The following PLD5 variants were observed in gnomAD, a reference collection of about 807,000 sequenced individuals.
The protein encoded by PLD5 is phospholipase D family member 5, also known as inactive phospholipase D5.
Under a neutral mutation model 61.1 loss-of-function variants are expected in PLD5, and 36 were observed. The ratio of observed to expected loss-of-function variants is 0.59; its 90% CI spans 0.45 to 0.78. The LOEUF (loss-of-function observed/expected upper bound fraction) is 0.78. Among genes scored for constraint, PLD5 ranks in the 30% least tolerant of loss-of-function variants. The pLI is 0.00. For synonymous variants in PLD5, 243 were observed against 242.8 expected (o/e 1.00, Z -0.01); for missense variants, 515 against 644.4 (o/e 0.80, Z 2.17).
At chr1:242,156,453 T>C (rs960252196) in intron 5 of PLD5, among the ~76,000 whole-genome samples, 2 of 152,186 alleles carry the variant, frequency 1.3e-5, no homozygotes, top group African/African-American at 4.8e-5. Flanking sequence ...GTGTCAATGG[T>C]CTTTACAATT....
intron 1 of PLD5, among the ~76,000 whole-genome samples, chr1:242,414,238 A>G (rs1193502361): frequency 2.6e-5 from 4 of 152,344 alleles, no homozygotes; most frequent in Admixed American, 1.3e-4. Flanking sequence ...GTGAAACGCA[A>G]AAGGATTGAG....
intron 5 of PLD5, among the ~76,000 whole-genome samples, chr1:242,190,254 T>A (rs1030242916): frequency 1.3e-5 from 2 of 149,478 alleles, no homozygotes; most frequent in Admixed American, 6.7e-5. Context: ...CACGCCATTC[T>A]CCTATCTCAG....
chr1:242,358,032 T>C (rs773057583), intron 1 of PLD5, among the ~76,000 whole-genome samples: 1 of 152,206 alleles, frequency 6.6e-6, no homozygotes, highest in African/African-American at 2.4e-5. Flanking sequence ...GAAGTCTTTA[T>C]TGCATTTTTC....
In PLD5 at chr1:242,087,381, C is replaced by T. The variant is rs544325656; in HGVS notation, c.*2473G>A. 11 of 152,282 alleles carry T rather than the reference C, an allele frequency of 7.2e-5. No homozygotes were observed. The highest frequency in any genetic ancestry group is 2.1e-4 in the South Asian group (1 of 4,828). The allele number at this position is 152,282 out of a possible 1,614,324, so 9.4% of individuals were successfully genotyped here. On this transcript the variant is annotated 3_prime_UTR_variant, in exon 10 of 10. Transcript: ENST00000536534. ...TGACATTCTCTTCTCGTAGCACATACAGCAGATAGTGACAGTGAAGGGGCC... is the reference window on the plus strand; with the variant it reads ...TGACATTCTCTTCTCGTAGCACATATAGCAGATAGTGACAGTGAAGGGGCC...
chr1:242,247,008 G>C (rs2149074559), intron 4 of PLD5, among the ~76,000 whole-genome samples: 1 of 137,066 alleles, frequency 7.3e-6, no homozygotes, highest in African/African-American at 2.7e-5. Context: ...TTTTGAGACG[G>C]AGTTTCGCTC....
intron 4 of PLD5, among the ~76,000 whole-genome samples, chr1:242,262,996 A>C (rs1235606776): frequency 6.6e-6 from 1 of 152,122 alleles, no homozygotes; most frequent in African/African-American, 2.4e-5. Flanking sequence ...TCCAAGCCAC[A>C]GTTTGAGACC....
At position 242,331,151 on chromosome 1, in the gene PLD5, C is replaced by A. The variant is rs896331643; in HGVS notation, c.326+16955G>T. ...ATGACATACACTGGCACTGTGCCAG[C>A]TGCCAGAAATGCAAATATGAATGAG... On this transcript the variant is annotated intron_variant, in intron 2 of 9. Coordinates refer to ENST00000536534, the MANE Select transcript of PLD5 (RefSeq NM_001372062.1). Among the ~76,000 whole-genome samples, 31 of 152,176 alleles carry A rather than the reference C, an allele frequency of 2.0e-4. 1 individual carries two copies. The highest frequency in any genetic ancestry group is 7.0e-4 in the African/African-American group (29 of 41,440).
At chr1:242,172,816 A>T (rs1343159455) in intron 5 of PLD5, among the ~76,000 whole-genome samples, 2 of 152,194 alleles carry the variant, frequency 1.3e-5, no homozygotes, top group Non-Finnish European at 2.9e-5. Context: ...CACCCTCCCA[A>T]GTCTAAACCA....
chr1:242,470,259 G>A (rs202124102), intron 1 of PLD5, among the ~76,000 whole-genome samples: 5 of 151,792 alleles, frequency 3.3e-5, no homozygotes, highest in Admixed American at 2.6e-4. Context: ...GGAGAATGGC[G>A]TGAACCCCGG....
At chr1:242,220,716 T>G (rs1444762803) in intron 4 of PLD5, among the ~76,000 whole-genome samples, 49 of 61,644 alleles carry the variant, frequency 7.9e-4, no homozygotes, top group Middle Eastern at 0.014. Flanking sequence ...TATATTTTAT[T>G]TTATTTTATT....
At chr1:242,375,019 G>A (rs1273526932) in intron 1 of PLD5, among the ~76,000 whole-genome samples, 2 of 152,142 alleles carry the variant, frequency 1.3e-5, no homozygotes, top group Non-Finnish European at 2.9e-5. Context: ...CTATTTCCCT[G>A]TGGCTTTACA....
chr1:242,388,368 C>A (rs931180503), intron 1 of PLD5, among the ~76,000 whole-genome samples: 3 of 152,104 alleles, frequency 2.0e-5, no homozygotes, highest in Non-Finnish European at 4.4e-5. Flanking sequence ...CTGACATTTT[C>A]CCCTAGCTAC....
chr1:242,512,569 G>A (rs938755740), intron 1 of PLD5, among the ~76,000 whole-genome samples: 1 of 152,178 alleles, frequency 6.6e-6, no homozygotes, highest in Non-Finnish European at 1.5e-5. Flanking sequence ...CTAGAACAAT[G>A]TACTCAGGAA....
chr1:242,322,458 C>T (rs1309735369), intron 2 of PLD5, among the ~76,000 whole-genome samples: 1 of 152,210 alleles, frequency 6.6e-6, no homozygotes, highest in African/African-American at 2.4e-5. Flanking sequence ...TGTGCTTGTG[C>T]TACACTTTCT....
chr1:242,130,452 A>G (rs958996549), intron 5 of PLD5, among the ~76,000 whole-genome samples: 4 of 152,198 alleles, frequency 2.6e-5, no homozygotes, highest in African/African-American at 4.8e-5. Flanking sequence ...TTCTTTTGCT[A>G]TGCGTAGATA....
intron 5 of PLD5, among the ~76,000 whole-genome samples, chr1:242,145,189 TG>T (rs1194757256): frequency 6.6e-6 from 1 of 152,128 alleles, no homozygotes; most frequent in African/African-American, 2.4e-5. Flanking sequence ...TGTATCCCCC[TG>T]GGTGGGTTGG....
At chr1:242,257,420 C>T (rs1038355084) in intron 4 of PLD5, among the ~76,000 whole-genome samples, 1 of 152,142 alleles carries the variant, frequency 6.6e-6, no homozygotes, top group African/African-American at 2.4e-5. Context: ...ACTGTGTTAA[C>T]ACCCCAAGCC....
chr1:242,394,803 T>C lies in PLD5; in HGVS notation c.190-46561A>G, dbSNP rs868456716. 2.5e-4 allele frequency among the ~76,000 whole-genome samples: 18 copies of C among 73,034 alleles called. 5 individuals are homozygous for C. The highest frequency in any genetic ancestry group is 4.0e-4 in the South Asian group (1 of 2,476). The allele number at this position is 73,034 out of a possible 152,430, so 47.9% of individuals were successfully genotyped here. On this transcript the variant is annotated intron_variant, in intron 1 of 9. Coordinates refer to ENST00000536534, the MANE Select transcript of PLD5 (RefSeq NM_001372062.1). ...GTGTATATATGTGAATATATATGTG[T>C]ATATATGTGAATATATATACATATA...
chr1:242,304,141 C>T (rs557464560), intron 2 of PLD5, among the ~76,000 whole-genome samples: 1 of 152,330 alleles, frequency 6.6e-6, no homozygotes, highest in East Asian at 1.9e-4. Flanking sequence ...AATAGCATAA[C>T]TTCTTGCTTA....
Sources: gnomAD v4.1 joint callset for allele counts (sites outside exome capture counted in the v4.1 genomes callset) on GRCh38, gnomAD v4.1.1 for gene constraint, MANE v1.5 for transcripts, NCBI Gene and HGNC (gene_info 2026-07-23, HGNC 2026-07-21) for gene names.